SEPTIN2: variants seen among roughly 807,000 people sequenced by gnomAD.
SEPTIN2 encodes septin-2.
In SEPTIN2, 34 loss-of-function variants were observed where a neutral mutation model predicts 46.5. The observed-to-expected ratio is 0.73, with a 90% CI of 0.56 to 0.97. SEPTIN2 has a LOEUF of 0.97. SEPTIN2 is among the 50% of genes least tolerant of loss of function. SEPTIN2 has a pLI of 0.00. For synonymous variants in SEPTIN2, 175 were observed against 153.4 expected (o/e 1.14, Z -1.04); for missense variants, 347 against 448.4 (o/e 0.77, Z 2.04).
chr2:241,338,780 T>TTTATATTATTTATATATAATACATA (rs2080621729), intron 7 of SEPTIN2, among the ~76,000 whole-genome samples: 1 of 112,132 alleles, frequency 8.9e-6, no homozygotes, highest in Non-Finnish European at 1.7e-5. Context: ...ATATATTATA[T>TTTATATTATTTATATATAATACATA]TTATATTATT....
At chr2:241,335,929 C>T (rs747057410) in intron 4 of SEPTIN2, 46 bp from the exon 5 acceptor site, 2 of 1,613,796 alleles carry the variant, frequency 1.2e-6, no homozygotes, top group East Asian at 2.2e-5. Flanking sequence ...GAGCTTTCCT[C>T]TTCACATGCT....
intron 3 of SEPTIN2, among the ~76,000 whole-genome samples, chr2:241,332,763 A>G (rs2079206820): frequency 2.0e-5 from 3 of 152,262 alleles, no homozygotes; most frequent in African/African-American, 7.2e-5. Flanking sequence ...TGGTGTAGCC[A>G]TACAATGGAA....
At chr2:241,346,366 C>G in intron 10 of SEPTIN2, 117 bp downstream of exon 10, 1 of 635,162 alleles carries the variant, frequency 1.6e-6, no homozygotes, top group Non-Finnish European at 2.6e-6. Context: ...TGGTTTCCTA[C>G]TCAAAAGTTA....
intron 8 of SEPTIN2, 132 bp downstream of exon 8, chr2:241,343,225 G>A: frequency 1.6e-6 from 1 of 624,828 alleles, no homozygotes. Flanking sequence ...AAGACCTCAT[G>A]CAGTGGCTCA....
intron 3 of SEPTIN2, among the ~76,000 whole-genome samples, chr2:241,330,587 C>T (rs2078835475): frequency 6.6e-6 from 1 of 152,184 alleles, no homozygotes; most frequent in African/African-American, 2.4e-5. Context: ...TGGTTTGATT[C>T]TGTTGGATGC....
In SEPTIN2 at chr2:241,348,159, A is replaced by G. The variant is rs1481102583; in HGVS notation, c.952A>G (p.Lys318Glu). ...GRKVENEDMN[K>E]DQILLEKEAE... ...GAAAGTGGAGAATGAGGACATGAATAAAGACCAGATCTTGCTGGAAAAAGA... is the reference window on the plus strand; with the variant it reads ...GAAAGTGGAGAATGAGGACATGAATGAAGACCAGATCTTGCTGGAAAAAGA... Residue 318 changes from lysine (K) to glutamate (E), a missense_variant, in exon 11 of 13, where the codon AAA becomes GAA. By Grantham distance (56) the Lys-to-Glu change is moderately conservative. Coordinates refer to ENST00000391971, the MANE Select transcript of SEPTIN2 (RefSeq NM_004404.5). 6.2e-7 allele frequency: 1 copy of G among 1,613,330 alleles called. No individual in the cohort carries two copies. The highest frequency in any genetic ancestry group is 1.7e-5 in the Admixed American group (1 of 59,902).
chr2:241,329,701 T>A (rs746094006), intron 3 of SEPTIN2, among the ~76,000 whole-genome samples: 4 of 152,276 alleles, frequency 2.6e-5, no homozygotes, highest in Non-Finnish European at 5.9e-5. Flanking sequence ...CTGATGCGTC[T>A]ACCTTACTGC....
At chr2:241,320,024 A>G (rs2076919918) in intron 1 of SEPTIN2, among the ~76,000 whole-genome samples, 1 of 147,048 alleles carries the variant, frequency 6.8e-6, no homozygotes, top group African/African-American at 2.4e-5. Flanking sequence ...CTTTTGATAC[A>G]TTCCTGGAAT....
chr2:241,328,007 C>G (rs978284935), intron 3 of SEPTIN2, among the ~76,000 whole-genome samples: 1 of 151,998 alleles, frequency 6.6e-6, no homozygotes, highest in Non-Finnish European at 1.5e-5. Flanking sequence ...GAGCTGTCAT[C>G]GTGCCACTGC....
chr2:241,340,638 G>A (rs1443222481), intron 7 of SEPTIN2, among the ~76,000 whole-genome samples: 1 of 152,168 alleles, frequency 6.6e-6, no homozygotes, highest in Admixed American at 6.5e-5. Flanking sequence ...AGAAATGGGG[G>A]TGGTGTCAGG....
chr2:241,343,548 T>C (rs1266575264), intron 8 of SEPTIN2, among the ~76,000 whole-genome samples: 2 of 152,196 alleles, frequency 1.3e-5, no homozygotes, highest in African/African-American at 4.8e-5. Context: ...AGAAATTTTA[T>C]TGTAGGTTTA....
Position 241,333,429 on chromosome 2 carries a change from ATTGTT to A in SEPTIN2, c.131-1691_131-1687del, listed in dbSNP as rs1189331643. Among the ~76,000 whole-genome samples the A allele has an allele frequency of 2.6e-5, 4 of 152,290 alleles. No individual in the cohort carries two copies. In the East Asian group the frequency reaches 5.8e-4, roughly 22 times the overall value. On this transcript the variant is annotated intron_variant, in intron 3 of 12. Transcript: ENST00000391971. ...ACTCATATTTAGGCATGTTCAACAC[ATTGTT>A]TTGTTCTTTTCATGTGTGAAAATTG...
chr2:241,337,067 C>G (rs951048851), intron 5 of SEPTIN2: 12 of 191,360 alleles, frequency 6.3e-5, no homozygotes, highest in African/African-American at 2.3e-4. Context: ...GCACTCCAGC[C>G]TGGGCAACAG....
At chr2:241,323,512 C>T (rs1376387867) in intron 1 of SEPTIN2, among the ~76,000 whole-genome samples, 1 of 152,182 alleles carries the variant, frequency 6.6e-6, no homozygotes, top group African/African-American at 2.4e-5. Context: ...CCTACCTCGG[C>T]CTCCCAAAGT....
At chr2:241,345,474 G>C (rs2081891476) in intron 9 of SEPTIN2, among the ~76,000 whole-genome samples, 1 of 152,180 alleles carries the variant, frequency 6.6e-6, no homozygotes, top group South Asian at 2.1e-4. Flanking sequence ...TTCTCACAAT[G>C]AGGTAGAGTG....
At chr2:241,318,905 C>T (rs890637406) in intron 1 of SEPTIN2, among the ~76,000 whole-genome samples, 1 of 151,986 alleles carries the variant, frequency 6.6e-6, no homozygotes, top group Non-Finnish European at 1.5e-5. Flanking sequence ...ACCATGTTGG[C>T]CAGGATGGTC....
chr2:241,329,624 G>A (rs895576193), intron 3 of SEPTIN2, among the ~76,000 whole-genome samples: 1 of 152,130 alleles, frequency 6.6e-6, no homozygotes, highest in Non-Finnish European at 1.5e-5. Flanking sequence ...GGGTACACTC[G>A]CCAGCAGTTT....
chr2:241,337,845 A>G, intron 7 of SEPTIN2, 55 bp downstream of exon 7: 1 of 1,251,926 alleles, frequency 8.0e-7, no homozygotes, highest in Admixed American at 1.7e-5. Context: ...GGGCATGGGG[A>G]TGAAGAAAGG....
rs975078362 is a variant in SEPTIN2 at position 241,342,639 on chromosome 2, C to T, written c.595-353C>T. On this transcript the variant is annotated intron_variant, in intron 7 of 12. Coordinates refer to ENST00000391971, the MANE Select transcript of SEPTIN2 (RefSeq NM_004404.5). Reference sequence around the variant, plus strand: ...CAAGCTCCGCCTCCCGGGTTCACGCCATTCTCCTGCCTCAGCCTCCCCAGC... The same window carrying T: ...CAAGCTCCGCCTCCCGGGTTCACGCTATTCTCCTGCCTCAGCCTCCCCAGC... Among the ~76,000 whole-genome samples, 5 of 150,200 alleles carry T rather than the reference C, an allele frequency of 3.3e-5. No individual in the cohort carries two copies. The South Asian group carries it at 8.4e-4, about 25-fold the overall frequency.
Sources: allele counts gnomAD v4.1 joint callset (sites outside exome capture counted in the v4.1 genomes callset), GRCh38; gene constraint gnomAD v4.1.1; transcripts MANE v1.5; gene names NCBI Gene and HGNC (gene_info 2026-07-23, HGNC 2026-07-21).